HDAC9: variants seen among roughly 807,000 people sequenced by gnomAD.
HDAC9 encodes MEF-2 interacting transcription repressor (MITR) protein.
Under a neutral mutation model 139.4 loss-of-function variants are expected in HDAC9, and 41 were observed. The ratio of observed to expected loss-of-function variants is 0.29; its 90% CI spans 0.23 to 0.38. HDAC9 has a LOEUF of 0.38. Among genes scored for constraint, HDAC9 ranks in the 10% least tolerant of loss-of-function variants. HDAC9 has a pLI of 1.00. For missense variants in HDAC9, 1,147 were observed against 1,297.0 expected, an observed-to-expected ratio of 0.88 and a Z score of 1.78; for synonymous variants, 517 against 476.2, an observed-to-expected ratio of 1.09 and a Z score of -1.12.
At chr7:18,498,193 A>G (rs1420206770) in intron 2 of HDAC9, among the ~76,000 whole-genome samples, 2 of 152,140 alleles carry the variant, frequency 1.3e-5, no homozygotes, top group Non-Finnish European at 2.9e-5. Flanking sequence ...CATAAAAACA[A>G]TTACACCCTT....
chr7:18,647,125 C>T (rs1367745610), intron 9 of HDAC9, among the ~76,000 whole-genome samples: 1 of 152,124 alleles, frequency 6.6e-6, no homozygotes, highest in African/African-American at 2.4e-5. Flanking sequence ...TACAGTCCAT[C>T]TTATCTCCAG....
chr7:18,311,251 G>A (rs1380484690), intron 1 of HDAC9, among the ~76,000 whole-genome samples: 1 of 151,814 alleles, frequency 6.6e-6, no homozygotes, highest in African/African-American at 2.4e-5. Flanking sequence ...TATGACAAAA[G>A]CCTTTAACCT....
At chr7:18,660,947 G>T (rs1792938057) in intron 11 of HDAC9, among the ~76,000 whole-genome samples, 1 of 152,066 alleles carries the variant, frequency 6.6e-6, no homozygotes, top group Non-Finnish European at 1.5e-5. Context: ...GAAGTCAGTG[G>T]GGGATTCTAA....
chr7:18,389,015 C>G (rs1401957018), intron 1 of HDAC9, among the ~76,000 whole-genome samples: 1 of 152,170 alleles, frequency 6.6e-6, no homozygotes, highest in Non-Finnish European at 1.5e-5. Flanking sequence ...ATCATGGCCT[C>G]TTGAACCCTC....
At chr7:18,219,413 GACTAA>G (rs1792530810) in intron 2 of HDAC9, among the ~76,000 whole-genome samples, 1 of 152,086 alleles carries the variant, frequency 6.6e-6, no homozygotes, top group South Asian at 2.1e-4. Flanking sequence ...GTTTGTTGGT[GACTAA>G]ACTAAGTTTC....
intron 1 of HDAC9, among the ~76,000 whole-genome samples, chr7:18,358,173 G>A (rs1322796964): frequency 1.3e-5 from 2 of 152,118 alleles, no homozygotes; most frequent in Non-Finnish European, 2.9e-5. Context: ...GGGCAACAGA[G>A]AGATACTCCA....
At chr7:18,303,292 A>T (rs185019824) in intron 1 of HDAC9, among the ~76,000 whole-genome samples, 4 of 151,122 alleles carry the variant, frequency 2.6e-5, no homozygotes, top group East Asian at 2.0e-4. Context: ...ATCTCGGCTC[A>T]CTGCAAGCTC....
rs573080869 is a variant in HDAC9, at chr7:18,963,796, G to T, written c.3022+9566G>T. Reference sequence around the variant, plus strand: ...ATCTCTGACGGGATGGATACATCAGGCTATTGTACCCATATGTCATAGAAT... The same window carrying T: ...ATCTCTGACGGGATGGATACATCAGTCTATTGTACCCATATGTCATAGAAT... On this transcript the variant is annotated intron_variant, in intron 24 of 25. Transcript: ENST00000686413. 9.9e-5 allele frequency among the ~76,000 whole-genome samples: 15 copies of T among 152,272 alleles called. No homozygotes were observed. The South Asian group carries it at 3.1e-3, about 32-fold the overall frequency.
At chr7:18,986,799 T>G (rs1321710398) in intron 25 of HDAC9, among the ~76,000 whole-genome samples, 6 of 152,028 alleles carry the variant, frequency 3.9e-5, no homozygotes, top group Non-Finnish European at 8.8e-5. Context: ...CCCTTGTAAG[T>G]TGGATTCCTA....
intron 22 of HDAC9, among the ~76,000 whole-genome samples, chr7:18,919,423 T>C (rs2190273): frequency 0.88 from 132,946 of 151,914 alleles, 58,321 homozygotes; most frequent in African/African-American, 0.89. Flanking sequence ...GAAAAAATGT[T>C]GTATCATTCT....
intron 2 of HDAC9, among the ~76,000 whole-genome samples, chr7:18,281,118 G>C (rs1440787009): frequency 1.3e-5 from 2 of 152,170 alleles, no homozygotes; most frequent in African/African-American, 4.8e-5. Context: ...GTGGAACAGA[G>C]CTTAGTTTGT....
At position 18,644,773 on chromosome 7, in the gene HDAC9, G is replaced by A. The variant is rs755314928; in HGVS notation, c.1015G>A (p.Ala339Thr). 32 of 1,610,998 alleles carry A rather than the reference G, an allele frequency of 2.0e-5. No homozygotes were observed. Among genetic ancestry groups the A allele is most frequent in the South Asian group, 2.0e-4 (18 of 90,780 alleles). Residue 339 changes from alanine (A) to threonine (T), a missense_variant, in exon 9 of 26, where the codon GCA becomes ACA. By Grantham distance (58) the Ala-to-Thr change is moderately conservative. Around this residue, in one of 7 missense-constraint regions of HDAC9, gnomAD observed 264 missense variants for 273.8 expected, o/e 0.96. Coordinates refer to ENST00000686413, the MANE Select transcript of HDAC9 (RefSeq NM_178425.4). ...GCCCAACATTACCTTGGGGCTTCCCGCAGTGCCATCCCAGCTCAATGTAAG... is the reference window on the plus strand; with the variant it reads ...GCCCAACATTACCTTGGGGCTTCCCACAGTGCCATCCCAGCTCAATGTAAG... The part of the protein sequence containing the change: ...SLPNITLGLP[A>T]VPSQLNASNS...
chr7:18,748,120 G>A (rs1462698889), intron 13 of HDAC9, among the ~76,000 whole-genome samples: 1 of 152,098 alleles, frequency 6.6e-6, no homozygotes, highest in Non-Finnish European at 1.5e-5. Context: ...CAAGGAATAG[G>A]TTTATGGGTA....
At chr7:18,219,239 A>G (rs918858125) in intron 2 of HDAC9, among the ~76,000 whole-genome samples, 2 of 152,130 alleles carry the variant, frequency 1.3e-5, no homozygotes, top group Non-Finnish European at 2.9e-5. Context: ...AATTACTTTT[A>G]AAGTTGTAAT....
intron 1 of HDAC9, among the ~76,000 whole-genome samples, chr7:18,452,757 C>A (rs930679616): frequency 6.6e-6 from 1 of 152,176 alleles, no homozygotes; most frequent in African/African-American, 2.4e-5. Flanking sequence ...CACATGCTCT[C>A]TTGCCTGCCG....
At chr7:18,901,225 C>T (rs1026859372) in intron 22 of HDAC9, among the ~76,000 whole-genome samples, 41 of 144,306 alleles carry the variant, frequency 2.8e-4, no homozygotes, top group East Asian at 1.2e-3. Flanking sequence ...TATATATACA[C>T]ACACACACAC....
chr7:18,666,864 A>G (rs1255040682), intron 12 of HDAC9: 1 of 1,030,990 alleles, frequency 9.7e-7, no homozygotes, highest in African/African-American at 1.7e-5. Context: ...TGACTGCTGG[A>G]TAGTCTCCCA....
intron 16 of HDAC9, among the ~76,000 whole-genome samples, chr7:18,775,897 T>C (rs1790726181): frequency 6.6e-6 from 1 of 152,020 alleles, no homozygotes; most frequent in Non-Finnish European, 1.5e-5. Flanking sequence ...CGAGATGGCC[T>C]TCTTGTCTCA....
At chr7:18,407,558 TAA>T (rs59165546) in intron 1 of HDAC9, among the ~76,000 whole-genome samples, 2 of 147,566 alleles carry the variant, frequency 1.4e-5, no homozygotes, top group African/African-American at 4.9e-5. Flanking sequence ...AGATCTTGGA[TAA>T]AAAAAAAAAT....
Sources: gnomAD v4.1 joint callset for allele counts (sites outside exome capture counted in the v4.1 genomes callset) on GRCh38, gnomAD v4.1.1 for gene constraint, gnomAD v4.1.1 regional missense constraint, MANE v1.5 for transcripts, NCBI Gene and HGNC (gene_info 2026-07-23, HGNC 2026-07-21) for gene names.